The following TRAK1 variants were observed in gnomAD, a reference collection of about 807,000 sequenced individuals.
The protein encoded by TRAK1 is trafficking kinesin-binding protein 1.
TRAK1 carries 33 observed loss-of-function variants against 92.1 expected under a neutral mutation model. The observed-to-expected ratio is 0.36, with a 90% confidence interval of 0.27 to 0.48. The LOEUF (loss-of-function observed/expected upper bound fraction) is 0.48, where lower values mean the gene tolerates loss of function less well. Among genes scored for constraint, TRAK1 ranks in the 20% least tolerant of loss-of-function variants. The pLI, the probability that TRAK1 is intolerant of heterozygous loss-of-function variation, is 0.99. For synonymous variants in TRAK1, 521 were observed against 517.3 expected (o/e 1.01, Z -0.10); for missense variants, 1,123 against 1,257.9 (o/e 0.89, Z 1.62).
chr3:42,040,729 G>T (rs934858732), intron 1 of TRAK1, among the ~76,000 whole-genome samples: 1 of 149,906 alleles, frequency 6.7e-6, no homozygotes, highest in South Asian at 2.1e-4. Flanking sequence ...CAGGCTAGAA[G>T]CGCAGTGGCA....
At chr3:42,139,623 C>T (rs2149211646) in intron 2 of TRAK1, among the ~76,000 whole-genome samples, 1 of 152,324 alleles carries the variant, frequency 6.6e-6, no homozygotes, top group East Asian at 1.9e-4. Flanking sequence ...TACTTTGTCA[C>T]CTGTCACCTG....
At chr3:42,122,696 T>A (rs1710043157) in intron 1 of TRAK1, among the ~76,000 whole-genome samples, 1 of 152,148 alleles carries the variant, frequency 6.6e-6, no homozygotes, top group African/African-American at 2.4e-5. Context: ...TGTGGGCCCA[T>A]CTTGAGCCTT....
chr3:42,146,018 C>A, intron 2 of TRAK1: 2 of 392,316 alleles, frequency 5.1e-6, no homozygotes, highest in South Asian at 4.3e-5. Context: ...CTGAAGAACT[C>A]TTAAATACTT....
chr3:42,141,996 G>A (rs965864717), intron 2 of TRAK1, among the ~76,000 whole-genome samples: 1 of 152,152 alleles, frequency 6.6e-6, no homozygotes, highest in Admixed American at 6.5e-5. Context: ...AATTAGCCGG[G>A]CATGGTGGCG....
chr3:42,154,986 C>A (rs901806326), intron 2 of TRAK1, among the ~76,000 whole-genome samples: 5 of 151,874 alleles, frequency 3.3e-5, no homozygotes, highest in African/African-American at 1.2e-4. Context: ...AAACTTTATG[C>A]CTCTACCCTG....
intron 1 of TRAK1, among the ~76,000 whole-genome samples, chr3:42,119,887 C>G (rs1197926352): frequency 6.6e-6 from 1 of 151,938 alleles, no homozygotes; most frequent in Non-Finnish European, 1.5e-5. Context: ...AACGTAGAGG[C>G]AGAATGATGA....
intron 2 of TRAK1, among the ~76,000 whole-genome samples, chr3:42,174,842 C>A (rs931866657): frequency 1.3e-5 from 2 of 151,656 alleles, no homozygotes; most frequent in African/African-American, 4.8e-5. Flanking sequence ...GCTGGGATAA[C>A]AGCCATTAGC....
intron 13 of TRAK1, among the ~76,000 whole-genome samples, chr3:42,207,985 CCGTT>C (rs1318400521): frequency 1.3e-5 from 2 of 152,160 alleles, no homozygotes; most frequent in African/African-American, 4.8e-5. Context: ...GCACCAGATG[CCGTT>C]CGTCCACAGC....
intron 6 of TRAK1, 89 bp from the exon 7 acceptor site, chr3:42,191,469 C>A: frequency 8.4e-7 from 1 of 1,187,816 alleles, no homozygotes; most frequent in Non-Finnish European, 1.2e-6. Context: ...TCCCAGACCC[C>A]AGTTAGCCTT....
intron 2 of TRAK1, chr3:42,151,534 G>A: frequency 3.3e-6 from 1 of 303,000 alleles, no homozygotes; most frequent in Non-Finnish European, 6.4e-6. Flanking sequence ...TGGATGAAGG[G>A]AAGAAGGTTT....
At chr3:42,210,139 T>C (rs1708840422) in intron 14 of TRAK1, 154 bp downstream of exon 14, 5 of 1,605,018 alleles carry the variant, frequency 3.1e-6, no homozygotes, top group Middle Eastern at 1.7e-4. Context: ...GGCACCACGA[T>C]AAGTCCTGTA....
At chr3:42,075,536 T>A (rs1704117898) in intron 1 of TRAK1, among the ~76,000 whole-genome samples, 2 of 152,312 alleles carry the variant, frequency 1.3e-5, no homozygotes, top group Non-Finnish European at 1.5e-5. Flanking sequence ...ATGGTAGTTC[T>A]ATTTTAAATT....
intron 14 of TRAK1, chr3:42,210,397 G>A (rs1381678073): frequency 8.1e-7 from 1 of 1,235,412 alleles, no homozygotes; most frequent in East Asian, 3.1e-5. Context: ...GAGCAGGAAA[G>A]GCTGCTAAAA....
At chr3:42,116,397 A>G (rs1709168310) in intron 1 of TRAK1, among the ~76,000 whole-genome samples, 1 of 152,274 alleles carries the variant, frequency 6.6e-6, no homozygotes, top group Non-Finnish European at 1.5e-5. Context: ...GAAGATGTTC[A>G]GCTAAAGCTG....
At chr3:42,108,030 C>A (rs776655028) in intron 1 of TRAK1, among the ~76,000 whole-genome samples, 1 of 151,974 alleles carries the variant, frequency 6.6e-6, no homozygotes, top group Non-Finnish European at 1.5e-5. Flanking sequence ...GGCTCTCACA[C>A]CAGTGCTTTT....
intron 1 of TRAK1, among the ~76,000 whole-genome samples, chr3:42,029,100 TA>T (rs1436630382): frequency 6.6e-6 from 1 of 152,020 alleles, no homozygotes; most frequent in Non-Finnish European, 1.5e-5. Context: ...AGAGAAAAGA[TA>T]GAGGTGCTAC....
rs776139175 is a variant in TRAK1, at chr3:42,202,187, C to G, written c.1428-249C>G. On this transcript the variant is annotated intron_variant, in intron 12 of 15. Coordinates refer to ENST00000327628, the MANE Select transcript of TRAK1 (RefSeq NM_001042646.3). The surrounding 1 kb of genome is among the most constrained non-coding windows in gnomAD (Gnocchi z 6.1). Reference sequence around the variant, plus strand: ...TTTACAGGGACTGAATTTACTTAGTCTGTGTGCAGATATTCATCCCACCTT... The same window carrying G: ...TTTACAGGGACTGAATTTACTTAGTGTGTGTGCAGATATTCATCCCACCTT... Among the ~76,000 whole-genome samples the G allele has an allele frequency of 3.3e-5, 5 of 152,168 alleles. No homozygotes were observed. Among genetic ancestry groups the G allele is most frequent in the Non-Finnish European group, 5.9e-5 (4 of 68,030 alleles).
At chr3:42,219,798 T>G (rs1216039351) in intron 15 of TRAK1, among the ~76,000 whole-genome samples, 67 of 131,958 alleles carry the variant, frequency 5.1e-4, no homozygotes, top group African/African-American at 2.2e-3. Flanking sequence ...TTTTTTTTTT[T>G]TTTTTTTTTT....
intron 14 of TRAK1, chr3:42,212,247 G>A (rs1709137444): frequency 6.1e-6 from 6 of 985,264 alleles, no homozygotes; most frequent in Non-Finnish European, 6.0e-6. Flanking sequence ...ATGGTGGTCT[G>A]GTCCCTGCCT....
Sources: allele counts gnomAD v4.1 joint callset (sites outside exome capture counted in the v4.1 genomes callset), GRCh38; gene constraint gnomAD v4.1.1; non-coding constraint Gnocchi (gnomAD v3.1); transcripts MANE v1.5; gene names NCBI Gene and HGNC (gene_info 2026-07-23, HGNC 2026-07-21).